MARCHF1: variants seen among roughly 807,000 people sequenced by gnomAD.
The protein encoded by MARCHF1 is membrane associated ring-CH-type finger 1.
A neutral mutation model predicts 54.2 loss-of-function variants in MARCHF1; 40 were observed. The observed-to-expected ratio is 0.74, with a 90% confidence interval of 0.57 to 0.96. MARCHF1 has a LOEUF of 0.96. Among genes scored for constraint, MARCHF1 ranks in the 40% least tolerant of loss-of-function variants. MARCHF1 has a pLI of 0.00. For synonymous variants in MARCHF1, 236 were observed against 236.3 expected, an observed-to-expected ratio of 1.00 and a Z score of 0.01; for missense variants, 586 against 656.5, an observed-to-expected ratio of 0.89 and a Z score of 1.17.
rs113007142 is a variant in MARCHF1, at chr4:164,363,766, C to CGTGTGTGTGTGTGTGT, written c.-323+20088_-323+20103dup. ...ATTTAACATTACATTATTAATAAGC[C>CGTGTGTGTGTGTGTGT]GTGTGTGTGTGTGTGTGTCTGTGTT... On this transcript the variant is annotated intron_variant, in intron 1 of 9. Coordinates refer to ENST00000514618, the MANE Select transcript of MARCHF1 (RefSeq NM_001394959.1). Among the ~76,000 whole-genome samples the CGTGTGTGTGTGTGTGT allele has an allele frequency of 6.0e-3, 896 of 150,194 alleles. 11 individuals carry two copies. Among genetic ancestry groups the CGTGTGTGTGTGTGTGT allele is most frequent in the East Asian group, 9.5e-3 (48 of 5,068 alleles).
chr4:163,556,629 A>G (rs1739299506), intron 8 of MARCHF1, among the ~76,000 whole-genome samples: 1 of 151,776 alleles, frequency 6.6e-6, no homozygotes, highest in Non-Finnish European at 1.5e-5. Flanking sequence ...TTTATATATA[A>G]ATAAAACAGA....
At chr4:163,589,408 T>G (rs115862883) in intron 7 of MARCHF1, among the ~76,000 whole-genome samples, 1 of 152,252 alleles carries the variant, frequency 6.6e-6, no homozygotes, top group Non-Finnish European at 1.5e-5. Flanking sequence ...ACTTGGTTCA[T>G]TTTTCATTCC....
intron 2 of MARCHF1, among the ~76,000 whole-genome samples, chr4:164,000,959 C>T (rs971789311): frequency 2.0e-5 from 3 of 151,520 alleles, no homozygotes; most frequent in Non-Finnish European, 3.0e-5. Context: ...AGAAGGGCTG[C>T]AATTATCCAA....
At chr4:164,024,759 G>C (rs1753731444) in intron 2 of MARCHF1, among the ~76,000 whole-genome samples, 1 of 151,978 alleles carries the variant, frequency 6.6e-6, no homozygotes, top group Admixed American at 6.6e-5. Context: ...AAATGTAAAT[G>C]GTCTAAACAC....
At chr4:163,592,749 T>C (rs1740633036) in intron 7 of MARCHF1, among the ~76,000 whole-genome samples, 1 of 152,064 alleles carries the variant, frequency 6.6e-6, no homozygotes, top group East Asian at 1.9e-4. Flanking sequence ...AAATTCTGCT[T>C]GGGACTGAGG....
At chr4:164,106,865 C>T (rs1439601451) in intron 2 of MARCHF1, among the ~76,000 whole-genome samples, 2 of 151,760 alleles carry the variant, frequency 1.3e-5, no homozygotes, top group East Asian at 1.9e-4. Flanking sequence ...AATCAGAATG[C>T]TGTCATAATC....
intron 1 of MARCHF1, among the ~76,000 whole-genome samples, chr4:164,215,218 G>T (rs762536120): frequency 1.3e-5 from 2 of 152,132 alleles, no homozygotes; most frequent in African/African-American, 4.8e-5. Flanking sequence ...CAGCAGATGG[G>T]GGAGCCAGAA....
rs559000879 is a variant in MARCHF1, at chr4:164,341,300, A to C, written c.-323+42570T>G. Among the ~76,000 whole-genome samples, 23 of 151,924 alleles carry C rather than the reference A, an allele frequency of 1.5e-4. 1 individual carries two copies. In the South Asian group the frequency reaches 3.7e-3, roughly 25 times the overall value. On this transcript the variant is annotated intron_variant, in intron 1 of 9. Transcript: ENST00000514618. ...AAAACAAAAAAAAAAACCCCAGCAT[A>C]CTCAAGAGTAAAAAGCTGAAAGCCT...
chr4:163,887,563 A>G (rs529726597), intron 3 of MARCHF1, among the ~76,000 whole-genome samples: 66 of 152,278 alleles, frequency 4.3e-4, no homozygotes, highest in Admixed American at 2.3e-3. Flanking sequence ...GCATTTTAAC[A>G]AGATGCCCAA....
chr4:163,592,678 G>A (rs1310685827), intron 7 of MARCHF1, among the ~76,000 whole-genome samples: 2 of 152,080 alleles, frequency 1.3e-5, no homozygotes, highest in Admixed American at 6.6e-5. Context: ...TATTGGAATT[G>A]CTTCTCTTGG....
intron 1 of MARCHF1, chr4:164,188,857 T>A (rs1191612621): frequency 1.3e-6 from 1 of 782,134 alleles, no homozygotes; most frequent in Non-Finnish European, 2.4e-6. Flanking sequence ...CTGAGGCTTA[T>A]TTGAGAAAGA....
intron 4 of MARCHF1, among the ~76,000 whole-genome samples, chr4:163,846,750 T>C (rs1401237660): frequency 1.2e-4 from 18 of 152,096 alleles, no homozygotes; most frequent in Non-Finnish European, 1.5e-5. Context: ...TTTTAAGGCA[T>C]ATGGCATTTC....
chr4:164,322,677 C>T (rs77618313), intron 1 of MARCHF1, among the ~76,000 whole-genome samples: 2,618 of 152,002 alleles, frequency 0.017, 71 homozygotes, highest in African/African-American at 0.059. Flanking sequence ...ACATCTCATG[C>T]ATCCCATAAG....
intron 5 of MARCHF1, among the ~76,000 whole-genome samples, chr4:163,641,817 AAG>A (rs750885711): frequency 6.6e-6 from 1 of 152,148 alleles, no homozygotes; most frequent in Admixed American, 6.5e-5. Flanking sequence ...TAGTGAGACA[AAG>A]AAGAAAGTTG....
intron 3 of MARCHF1, among the ~76,000 whole-genome samples, chr4:163,951,902 C>T (rs1752140982): frequency 6.6e-6 from 1 of 152,152 alleles, no homozygotes; most frequent in Admixed American, 6.5e-5. Context: ...TTCAAATATG[C>T]TACACACTGT....
At chr4:164,043,148 C>T (rs573181804) in intron 2 of MARCHF1, among the ~76,000 whole-genome samples, 4 of 152,234 alleles carry the variant, frequency 2.6e-5, no homozygotes, top group African/African-American at 4.8e-5. Flanking sequence ...TCTTCTCAAA[C>T]CTTGAGTAGA....
chr4:163,827,534 GAATAA>G (rs1748888292), intron 4 of MARCHF1, among the ~76,000 whole-genome samples: 1 of 152,042 alleles, frequency 6.6e-6, no homozygotes, highest in African/African-American at 2.4e-5. Flanking sequence ...TTCTAAGATT[GAATAA>G]AATGTTTCCT....
intron 1 of MARCHF1, among the ~76,000 whole-genome samples, chr4:164,332,251 C>T (rs1729562126): frequency 6.6e-6 from 1 of 152,174 alleles, no homozygotes; most frequent in African/African-American, 2.4e-5. Context: ...ACTGTTGTTC[C>T]AGCTTTCTTC....
chr4:163,827,292 G>T (rs1319382813), intron 4 of MARCHF1, among the ~76,000 whole-genome samples: 1 of 151,918 alleles, frequency 6.6e-6, no homozygotes, highest in Non-Finnish European at 1.5e-5. Context: ...TTCTCCATGG[G>T]ATTAGGAGAG....
Sources: gnomAD v4.1 joint callset for allele counts (sites outside exome capture counted in the v4.1 genomes callset) on GRCh38, gnomAD v4.1.1 for gene constraint, MANE v1.5 for transcripts, NCBI Gene and HGNC (gene_info 2026-07-23, HGNC 2026-07-21) for gene names.